Variants in ROPN1L observed in about 807,000 individuals in gnomAD.
The protein encoded by ROPN1L is rhophilin associated tail protein 1 like, also known as ropporin-1-like protein.
ROPN1L carries 23 observed loss-of-function variants against 22.7 expected under a neutral mutation model. The ratio of observed to expected loss-of-function variants is 1.01; its 90% CI spans 0.73 to 1.43. The LOEUF (loss-of-function observed/expected upper bound fraction) is 1.43. Among genes scored for constraint, ROPN1L ranks in the 40% most tolerant of loss-of-function variants. The pLI, the probability that ROPN1L is intolerant of heterozygous loss-of-function variation, is 0.00. For missense variants in ROPN1L, 271 were observed against 291.5 expected (o/e 0.93, Z 0.51); for synonymous variants, 116 against 117.8 (o/e 0.98, Z 0.10).
downstream of ROPN1L, among the ~76,000 whole-genome samples, chr5:10,474,443 C>A (rs1001462484): frequency 1.3e-5 from 2 of 152,190 alleles, no homozygotes; most frequent in African/African-American, 2.4e-5. Flanking sequence ...GCTGTCACTG[C>A]GAGGGCACCA....
At chr5:10,481,418 T>C in the ROPN1L span, among the ~76,000 whole-genome samples, 1 of 152,158 alleles carries the variant, frequency 6.6e-6, no homozygotes, top group Non-Finnish European at 1.5e-5. Flanking sequence ...CCAGGGTGAT[T>C]AGGCAGGTGG....
intron 1 of ROPN1L, 82 bp from the exon 2 acceptor site, chr5:10,448,178 T>G (rs1741133175): frequency 3.3e-6 from 5 of 1,519,650 alleles, no homozygotes; most frequent in Middle Eastern, 1.8e-4. Flanking sequence ...CACCGTTGTT[T>G]TGGGGGGTTA....
Position 10,442,210 on chromosome 5 carries a change from A to AT in ROPN1L, c.45dup (p.Pro16SerfsTer83). 1 of 1,613,812 alleles carries AT rather than the reference A, an allele frequency of 6.2e-7. No homozygotes were observed. Among genetic ancestry groups the AT allele is most frequent in the Non-Finnish European group, 8.5e-7 (1 of 1,179,882 alleles). ...CATGTTCTGCGCTCAGCAGATCCAC[A>AT]TTCCCCCGGAGCTGCCGGACATCCT... On this transcript the variant is annotated frameshift_variant, in exon 1 of 5. Transcript: ENST00000274134. LOFTEE classifies it high-confidence loss of function.
At chr5:10,468,640 T>G (rs1735195629), downstream of ROPN1L, among the ~76,000 whole-genome samples, 1 of 152,346 alleles carries the variant, frequency 6.6e-6, no homozygotes, top group African/African-American at 2.4e-5. Context: ...TAAAATAAAC[T>G]GTTCAGGTGG....
downstream of ROPN1L, among the ~76,000 whole-genome samples, chr5:10,468,077 C>T (rs1735184215): frequency 6.6e-6 from 1 of 152,234 alleles, no homozygotes; most frequent in South Asian, 2.1e-4. Context: ...GTCCCTCCCC[C>T]AGCACAGTTG....
intron 1 of ROPN1L, among the ~76,000 whole-genome samples, chr5:10,447,533 G>A (rs1170571050): frequency 2.6e-5 from 4 of 152,176 alleles, no homozygotes; most frequent in Non-Finnish European, 2.9e-5. Flanking sequence ...ATGCAGAGAC[G>A]CTTAAAGTCA....
intron 1 of ROPN1L, among the ~76,000 whole-genome samples, chr5:10,443,929 C>G (rs1407230667): frequency 6.6e-6 from 1 of 152,082 alleles, no homozygotes; most frequent in Non-Finnish European, 1.5e-5. Context: ...GGCAGTTTTC[C>G]CACCCGAGAT....
downstream of ROPN1L, among the ~76,000 whole-genome samples, chr5:10,475,034 CTTA>C (rs528681047): frequency 1.8e-4 from 28 of 152,332 alleles, no homozygotes; most frequent in Non-Finnish European, 1.5e-4. Flanking sequence ...AAATTGCTTG[CTTA>C]TTATTGTTGG....
chr5:10,478,713 T>G, the ROPN1L span, among the ~76,000 whole-genome samples: 1 of 152,102 alleles, frequency 6.6e-6, no homozygotes, highest in African/African-American at 2.4e-5. Flanking sequence ...TGTTTCCAAA[T>G]AGGGCCACAT....
At chr5:10,451,904 C>T (rs1329434066) in intron 3 of ROPN1L, among the ~76,000 whole-genome samples, 1 of 149,056 alleles carries the variant, frequency 6.7e-6, no homozygotes, top group African/African-American at 2.5e-5. Context: ...TTTTATGTCA[C>T]TTTGTTAATC....
chr5:10,450,109 G>A lies in ROPN1L; in HGVS notation c.413G>A (p.Gly138Asp), dbSNP rs919116192. Reference sequence around the variant, plus strand: ...TTAGCGCTTGGATGCAGCATGCTTGGTGGGGTATGTACCTATAAACAGCAT... The same window carrying A: ...TTAGCGCTTGGATGCAGCATGCTTGATGGGGTATGTACCTATAAACAGCAT... ...NFLALGCSML[G>D]GSLNTALKHL... Residue 138 changes from glycine to aspartate, a missense_variant, in exon 3 of 5, where the codon GGT becomes GAT. Gly to Asp is a moderately conservative substitution (Grantham distance 94). Coordinates refer to ENST00000274134, the MANE Select transcript of ROPN1L (RefSeq NM_031916.5). The A allele has an allele frequency of 1.9e-6, 3 of 1,612,692 alleles. No homozygotes were observed. In the African/African-American group the frequency reaches 4.0e-5, roughly 22 times the overall value.
intron 3 of ROPN1L, among the ~76,000 whole-genome samples, chr5:10,453,028 C>T (rs746695206): frequency 7.2e-5 from 11 of 152,212 alleles, no homozygotes; most frequent in Non-Finnish European, 1.6e-4. Flanking sequence ...TGCATCACTG[C>T]GGGTTCCTGC....
At position 10,442,315 on chromosome 5, in the gene ROPN1L, C is replaced by G. The variant is rs78035767; in HGVS notation, c.131+17C>G. 9.1e-3 allele frequency: 14,661 copies of G among 1,611,596 alleles called. 1,044 individuals carry two copies. The African/African-American group carries it at 0.16, about 18-fold the overall frequency. ...GTCCGCGGGGTAAGCGCCCTTGGCC[C>G]GGGGAGCTGTCCGGTCTACATGCCC... On this transcript the variant is annotated intron_variant, in intron 1 of 4. Transcript: ENST00000274134.
At chr5:10,448,454 T>C (rs1176589295) in intron 2 of ROPN1L, 71 bp downstream of exon 2, 2 of 1,586,888 alleles carry the variant, frequency 1.3e-6, no homozygotes, top group East Asian at 2.2e-5. Context: ...TGTGCATTGA[T>C]GACAGAGCGG....
chr5:10,442,453 T>G lies in ROPN1L; in HGVS notation c.131+155T>G, dbSNP rs559693727. On this transcript the variant is annotated intron_variant, in intron 1 of 4. Transcript: ENST00000274134. ...CCCTTAGCATTGGTGACATCTATAC[T>G]TGAGTGTTTTATCTAGGAACCATTT... Among the ~76,000 whole-genome samples, 3 of 152,368 alleles carry G rather than the reference T, an allele frequency of 2.0e-5. No homozygotes were observed. In the East Asian group the frequency reaches 5.8e-4, roughly 29 times the overall value.
intron 3 of ROPN1L, among the ~76,000 whole-genome samples, chr5:10,458,727 C>A (rs1222984886): frequency 1.0e-5 from 1 of 97,618 alleles, no homozygotes; most frequent in African/African-American, 4.1e-5. Flanking sequence ...TTGTATACAC[C>A]ACCCCACCCG....
At chr5:10,481,069 T>C in the ROPN1L span, among the ~76,000 whole-genome samples, 1 of 152,170 alleles carries the variant, frequency 6.6e-6, no homozygotes, top group Non-Finnish European at 1.5e-5. Context: ...TCTGAGATTT[T>C]ACCTACTCCT....
chr5:10,466,631 C>T (rs114397596), downstream of ROPN1L, among the ~76,000 whole-genome samples: 102 of 152,250 alleles, frequency 6.7e-4, no homozygotes, highest in Non-Finnish European at 9.9e-4. Flanking sequence ...TGGAGACGCG[C>T]GGCAGCATGG....
chr5:10,468,146 C>T (rs1735185723), downstream of ROPN1L, among the ~76,000 whole-genome samples: 1 of 152,376 alleles, frequency 6.6e-6, no homozygotes, highest in Non-Finnish European at 1.5e-5. Flanking sequence ...AGGGGTTGTC[C>T]CTGCCTCACG....
Sources: allele counts gnomAD v4.1 joint callset (sites outside exome capture counted in the v4.1 genomes callset), GRCh38; gene constraint gnomAD v4.1.1; transcripts MANE v1.5; gene names NCBI Gene and HGNC (gene_info 2026-07-23, HGNC 2026-07-21).